Variants in ARHGEF10L observed in about 807,000 individuals in gnomAD.
The protein encoded by ARHGEF10L is rho guanine nucleotide exchange factor 10-like protein.
A neutral mutation model predicts 141.2 loss-of-function variants in ARHGEF10L; 69 were observed. The observed-to-expected ratio is 0.49, with a 90% confidence interval of 0.40 to 0.60. ARHGEF10L has a LOEUF of 0.60. Ranked by LOEUF, ARHGEF10L falls within the 20% of genes least tolerant of loss-of-function variation. The pLI, the probability that ARHGEF10L is intolerant of heterozygous loss-of-function variation, is 0.00. For missense variants in ARHGEF10L, 1,482 were observed against 1,734.3 expected, an observed-to-expected ratio of 0.85 and a Z score of 2.58; for synonymous variants, 711 against 718.5, an observed-to-expected ratio of 0.99 and a Z score of 0.17.
intron 6 of ARHGEF10L, among the ~76,000 whole-genome samples, chr1:17,606,583 C>A (rs558044218): frequency 2.6e-5 from 4 of 151,538 alleles, no homozygotes; most frequent in African/African-American, 7.3e-5. Flanking sequence ...TGTGAGCCAC[C>A]GCGACCAGTC....
intron 25 of ARHGEF10L, among the ~76,000 whole-genome samples, chr1:17,659,717 T>A (rs2062492865): frequency 6.6e-6 from 1 of 152,224 alleles, no homozygotes; most frequent in Admixed American, 6.5e-5. Flanking sequence ...GTGTTTGAAG[T>A]GACATGTTCA....
At position 17,539,901 on chromosome 1, in the gene ARHGEF10L, C is replaced by A. The variant is rs1333100030; in HGVS notation, c.-93C>A. ...TGGAGGCGCGGCGCCGGCCGCCAGG[C>A]GCCTTTGTGAGCGGCGCGGACGACA... On this transcript the variant is annotated 5_prime_UTR_variant, in exon 1 of 29. Coordinates refer to ENST00000361221, the MANE Select transcript of ARHGEF10L (RefSeq NM_018125.4). This position sits in a 1 kb window ranked among gnomAD's most constrained non-coding sequence, Gnocchi z 6.0. 1.3e-5 allele frequency: 2 copies of A among 150,668 alleles called. No homozygotes were observed. Among genetic ancestry groups the A allele is most frequent in the Admixed American group, 6.6e-5 (1 of 15,154 alleles). The allele number at this position is 150,668 out of a possible 1,614,324, so 9.3% of individuals were successfully genotyped here.
At chr1:17,668,754 C>G (rs1050959729) in intron 26 of ARHGEF10L, among the ~76,000 whole-genome samples, 2 of 152,204 alleles carry the variant, frequency 1.3e-5, no homozygotes, top group African/African-American at 4.8e-5. Context: ...GGCAGCTTGC[C>G]TTCAGTACAC....
chr1:17,559,680 C>T (rs1374191866), intron 1 of ARHGEF10L, among the ~76,000 whole-genome samples: 1 of 152,190 alleles, frequency 6.6e-6, no homozygotes, highest in Non-Finnish European at 1.5e-5. Context: ...TTGGCCCTGG[C>T]CTTTTCCCTT....
intron 26 of ARHGEF10L, among the ~76,000 whole-genome samples, chr1:17,671,337 A>C (rs1180156705): frequency 6.6e-6 from 1 of 152,040 alleles, no homozygotes; most frequent in South Asian, 2.1e-4. Context: ...CCCTCCCAAG[A>C]GAAGGGAGGG....
At chr1:17,614,733 G>A (rs1418867314) in intron 8 of ARHGEF10L, among the ~76,000 whole-genome samples, 2 of 152,182 alleles carry the variant, frequency 1.3e-5, no homozygotes, top group East Asian at 1.9e-4. Context: ...GGATTGTCCC[G>A]TAGAAATGCA....
At chr1:17,555,092 G>A (rs1263948449) in intron 1 of ARHGEF10L, among the ~76,000 whole-genome samples, 1 of 152,200 alleles carries the variant, frequency 6.6e-6, no homozygotes, top group East Asian at 1.9e-4. Context: ...TCTGGGCAAG[G>A]CACGTTACTC....
intron 1 of ARHGEF10L, among the ~76,000 whole-genome samples, chr1:17,547,285 T>C (rs2076951708): frequency 6.6e-6 from 1 of 152,248 alleles, no homozygotes; most frequent in Non-Finnish European, 1.5e-5. Context: ...TTCTTGCAGA[T>C]ACATCCCCAG....
intron 1 of ARHGEF10L, among the ~76,000 whole-genome samples, chr1:17,575,669 T>A (rs1307657124): frequency 6.6e-6 from 1 of 151,966 alleles, no homozygotes; most frequent in Non-Finnish European, 1.5e-5. Context: ...TGGGGAAGGG[T>A]TTGAAGCAAT....
chr1:17,540,541 C>T (rs2076686624), intron 1 of ARHGEF10L, among the ~76,000 whole-genome samples: 1 of 152,146 alleles, frequency 6.6e-6, no homozygotes, highest in Admixed American at 6.5e-5. Context: ...CAGGGAGGGC[C>T]CTAGATGAAG....
intron 1 of ARHGEF10L, among the ~76,000 whole-genome samples, chr1:17,553,094 G>T (rs774773504): frequency 6.6e-6 from 1 of 152,186 alleles, no homozygotes; most frequent in Non-Finnish European, 1.5e-5. Flanking sequence ...TCAGCCAAGT[G>T]GGGCAGACCC....
the ARHGEF10L span, among the ~76,000 whole-genome samples, chr1:17,519,034 G>T: frequency 6.6e-6 from 1 of 151,330 alleles, no homozygotes; most frequent in Non-Finnish European, 1.5e-5. Flanking sequence ...AATTAGCTGG[G>T]TCGGGTGGCG....
chr1:17,580,187 A>G (rs2078425952), intron 1 of ARHGEF10L, among the ~76,000 whole-genome samples: 1 of 152,208 alleles, frequency 6.6e-6, no homozygotes, highest in African/African-American at 2.4e-5. Context: ...TGTGACAGTC[A>G]GGTGTGATCT....
At chr1:17,580,260 G>A (rs1157677494) in intron 1 of ARHGEF10L, among the ~76,000 whole-genome samples, 1 of 152,222 alleles carries the variant, frequency 6.6e-6, no homozygotes, top group Admixed American at 6.5e-5. Context: ...TCACCTGTAA[G>A]CCAGAGGGGA....
chr1:17,576,293 T>A (rs2078220958), intron 1 of ARHGEF10L, among the ~76,000 whole-genome samples: 1 of 151,840 alleles, frequency 6.6e-6, no homozygotes, highest in Non-Finnish European at 1.5e-5. Context: ...AAGCACTGAC[T>A]AAATTAGCCA....
the ARHGEF10L span, among the ~76,000 whole-genome samples, chr1:17,534,299 T>C: frequency 3.3e-5 from 5 of 152,118 alleles, no homozygotes; most frequent in African/African-American, 7.2e-5. Flanking sequence ...ATCTTTTGTA[T>C]TTTTAGTAGA....
intron 6 of ARHGEF10L, among the ~76,000 whole-genome samples, chr1:17,605,588 A>C (rs1570833259): frequency 6.6e-6 from 1 of 152,132 alleles, no homozygotes; most frequent in South Asian, 2.1e-4. Context: ...GTGGTACAGA[A>C]CCCTGGCCCC....
At chr1:17,532,596 CTTT>C in the ARHGEF10L span, among the ~76,000 whole-genome samples, 1 of 137,582 alleles carries the variant, frequency 7.3e-6, no homozygotes. Context: ...CACCCTTGAT[CTTT>C]TTTTTTTTTT....
chr1:17,695,387 G>T, intron 28 of ARHGEF10L, 107 bp downstream of exon 28: 4 of 1,425,866 alleles, frequency 2.8e-6, no homozygotes, highest in Non-Finnish European at 3.7e-6. Flanking sequence ...TAGGGATGGG[G>T]TTCCAGTCTC....
Sources: gnomAD v4.1 joint callset for allele counts (sites outside exome capture counted in the v4.1 genomes callset) on GRCh38, gnomAD v4.1.1 for gene constraint, Gnocchi (gnomAD v3.1) non-coding constraint, MANE v1.5 for transcripts, NCBI Gene and HGNC (gene_info 2026-07-23, HGNC 2026-07-21) for gene names.